RUBCNL: variants seen among roughly 807,000 people sequenced by gnomAD.
RUBCNL encodes the protein rubicon like autophagy enhancer.
Under a neutral mutation model 69.5 loss-of-function variants are expected in RUBCNL, and 62 were observed. The observed-to-expected ratio is 0.89, with a 90% CI of 0.73 to 1.10. RUBCNL has a LOEUF of 1.10. Among genes scored for constraint, RUBCNL ranks in the 50% least tolerant of loss-of-function variants. The probability of loss-of-function intolerance (pLI) is 0.00; values close to 1 mark genes in which losing one functional copy is unlikely to be tolerated. For missense variants in RUBCNL, 768 were observed against 798.1 expected, an observed-to-expected ratio of 0.96 and a Z score of 0.45; for synonymous variants, 291 against 303.6, an observed-to-expected ratio of 0.96 and a Z score of 0.43.
Position 46,380,153 on chromosome 13 carries a change from C to T in RUBCNL, c.-238-2148G>A, listed in dbSNP as rs868550515. Among the ~76,000 whole-genome samples, 3 of 152,230 alleles carry T rather than the reference C, an allele frequency of 2.0e-5. No homozygotes were observed. In the South Asian group the frequency reaches 6.2e-4, roughly 32 times the overall value. ...ACCATTAATTTTGAAGGTTTGCTGT[C>T]AGAAGAACACAACAGAAGGACAGAA... On this transcript the variant is annotated intron_variant, in intron 1 of 14. Transcript: ENST00000429979.
At position 46,359,498 on chromosome 13, in the gene RUBCNL, T is replaced by A; in HGVS notation, c.1253A>T (p.His418Leu). The A allele has an allele frequency of 6.2e-7, 1 of 1,603,264 alleles. No homozygotes were observed. The highest frequency in any genetic ancestry group is 8.5e-7 in the Non-Finnish European group (1 of 1,174,748). The change falls in exon 9 of 15, where the codon CAT becomes CTT. Residue 418 changes from histidine (H) to leucine (L), a missense_variant. By Grantham distance (99) the His-to-Leu change is moderately conservative. Coordinates refer to ENST00000429979, the MANE Select transcript of RUBCNL (RefSeq NM_025113.5). ...PPRFQIIFNIHPPLKRDLVVA... is the reference protein window; with the variant it reads ...PPRFQIIFNILPPLKRDLVVA... ...AGCCCATACTTACTTGAGTGGTGGA[T>A]GAATATTAAATATGATTTGAAATCT...
In RUBCNL at chr13:46,368,721, G is replaced by A; in HGVS notation, c.618+12C>T. The A allele has an allele frequency of 6.2e-7, 1 of 1,602,980 alleles. No homozygotes were observed. Among genetic ancestry groups the A allele is most frequent in the Non-Finnish European group, 8.5e-7 (1 of 1,172,262 alleles). On this transcript the variant is annotated intron_variant, in intron 4 of 14. Transcript: ENST00000429979. ...AGACTCTATGGTTAAAAAGAAAGAAGATAGCATTCACCTTTTCTACATCAA... is the reference window on the plus strand; with the variant it reads ...AGACTCTATGGTTAAAAAGAAAGAAAATAGCATTCACCTTTTCTACATCAA...
At chr13:46,352,592 G>T (rs1594140051) in intron 10 of RUBCNL, among the ~76,000 whole-genome samples, 1 of 151,962 alleles carries the variant, frequency 6.6e-6, no homozygotes, top group East Asian at 2.0e-4. Context: ...ATCACCTGAG[G>T]TTGGGAATTT....
intron 10 of RUBCNL, among the ~76,000 whole-genome samples, chr13:46,352,053 C>T (rs2048381371): frequency 6.6e-6 from 1 of 152,134 alleles, no homozygotes; most frequent in South Asian, 2.1e-4. Context: ...GTCTCAAACT[C>T]CTGACCTCAA....
chr13:46,365,059 T>C (rs1370347148), intron 5 of RUBCNL, among the ~76,000 whole-genome samples: 1 of 151,898 alleles, frequency 6.6e-6, no homozygotes, highest in East Asian at 1.9e-4. Flanking sequence ...TCCCAGCAAT[T>C]TGGGAGGCCG....
chr13:46,388,296 AGGGAG>A (rs2049294016), upstream of RUBCNL, among the ~76,000 whole-genome samples: 1 of 123,150 alleles, frequency 8.1e-6, no homozygotes, highest in Non-Finnish European at 1.7e-5. Context: ...CAAGGGAGGG[AGGGAG>A]GGAAGAAGGA....
chr13:46,345,848 G>A (rs777012451), intron 12 of RUBCNL, among the ~76,000 whole-genome samples: 1 of 152,186 alleles, frequency 6.6e-6, no homozygotes, highest in Non-Finnish European at 1.5e-5. Context: ...GCAGAGACCT[G>A]TATCTCTTAC....
intron 1 of RUBCNL, among the ~76,000 whole-genome samples, chr13:46,382,040 A>G (rs543913887): frequency 6.6e-6 from 1 of 152,292 alleles, no homozygotes; most frequent in East Asian, 1.9e-4. Flanking sequence ...GCCTCAAGCA[A>G]TCCTCCCAGT....
rs1328136930 is a variant in RUBCNL at position 46,341,711 on chromosome 13, A to G, written c.*1674T>C. 6.6e-6 allele frequency among the ~76,000 whole-genome samples: 1 copy of G among 152,246 alleles called. No homozygotes were observed. The highest frequency in any genetic ancestry group is 2.4e-5 in the African/African-American group (1 of 41,468). On this transcript the variant is annotated 3_prime_UTR_variant, in exon 15 of 15. Transcript: ENST00000429979. ...GCCCAATGCCACTTCTGCAAGTTGG[A>G]GCAACACTTACCAGTTAAGGTTGTT...
At chr13:46,368,447 A>T (rs969461355) in intron 4 of RUBCNL, 198 bp from the exon 5 acceptor site, 7 of 985,194 alleles carry the variant, frequency 7.1e-6, no homozygotes, top group Non-Finnish European at 8.4e-6. Flanking sequence ...GGCTTACTAT[A>T]ATCAACGGAC....
At chr13:46,363,723 GCC>G (rs2138762768) in intron 5 of RUBCNL, among the ~76,000 whole-genome samples, 1 of 151,698 alleles carries the variant, frequency 6.6e-6, no homozygotes, top group South Asian at 2.1e-4. Context: ...CAGTGTGGTG[GCC>G]CGGCCAGCAC....
In RUBCNL at chr13:46,336,262, T is replaced by C. The variant is rs1173444935; in HGVS notation, c.*7123A>G. Among the ~76,000 whole-genome samples, 1 of 152,172 alleles carries C rather than the reference T, an allele frequency of 6.6e-6. No homozygotes were observed. The highest frequency in any genetic ancestry group is 2.4e-5 in the African/African-American group (1 of 41,428). On this transcript the variant is annotated 3_prime_UTR_variant, in exon 15 of 15. Coordinates refer to ENST00000429979, the MANE Select transcript of RUBCNL (RefSeq NM_025113.5). ...TGGGTACCAGGCAGCACCTCCATCATCAGACTCTACGAAGATGGAGTTTCA... is the reference window on the plus strand; with the variant it reads ...TGGGTACCAGGCAGCACCTCCATCACCAGACTCTACGAAGATGGAGTTTCA...
chr13:46,377,935 A>G lies in RUBCNL; in HGVS notation c.-168T>C. 6.2e-7 allele frequency: 1 copy of G among 1,610,192 alleles called. No homozygotes were observed. The highest frequency in any genetic ancestry group is 8.5e-7 in the Non-Finnish European group (1 of 1,178,646). On this transcript the variant is annotated 5_prime_UTR_variant, in exon 2 of 15. Coordinates refer to ENST00000429979, the MANE Select transcript of RUBCNL (RefSeq NM_025113.5). Reference sequence around the variant, plus strand: ...AGAGGCAGATTGACACAGAGGAGAAAGTAATGATTGGAAACCATCAAAGTC... The same window carrying G: ...AGAGGCAGATTGACACAGAGGAGAAGGTAATGATTGGAAACCATCAAAGTC...
rs1437432018 is a variant in RUBCNL, at chr13:46,339,378, C to T, written c.*4007G>A. ...ACGCTTCTAAAAATGACACACTTCA[C>T]CCTCCTTTGGCGATGAGTTCAGGAA... On this transcript the variant is annotated 3_prime_UTR_variant, in exon 15 of 15. Coordinates refer to ENST00000429979, the MANE Select transcript of RUBCNL (RefSeq NM_025113.5). 2.6e-5 allele frequency among the ~76,000 whole-genome samples: 4 copies of T among 152,320 alleles called. No homozygotes were observed. The East Asian group carries it at 7.7e-4, about 29-fold the overall frequency.
chr13:46,374,967 C>G (rs755583654), intron 2 of RUBCNL, among the ~76,000 whole-genome samples: 130 of 152,194 alleles, frequency 8.5e-4, no homozygotes, highest in Non-Finnish European at 1.3e-3. Flanking sequence ...TCTTTCCTAA[C>G]CACCTTTCTG....
At chr13:46,354,157 T>C (rs995418675) in intron 10 of RUBCNL, among the ~76,000 whole-genome samples, 1 of 152,114 alleles carries the variant, frequency 6.6e-6, no homozygotes, top group Non-Finnish European at 1.5e-5. Flanking sequence ...ACTGAACTAG[T>C]AAAGGGTAAA....
At chr13:46,356,305 C>T in intron 10 of RUBCNL, 127 bp downstream of exon 10, 18 of 892,340 alleles carry the variant, frequency 2.0e-5, no homozygotes, top group Non-Finnish European at 2.9e-5. Flanking sequence ...AGGAGGGCAA[C>T]TTCTCTGAAG....
chr13:46,344,231 A>AT (rs1459215843), intron 14 of RUBCNL, among the ~76,000 whole-genome samples: 1 of 152,206 alleles, frequency 6.6e-6, no homozygotes, highest in Non-Finnish European at 1.5e-5. Context: ...GGCAGAGTTC[A>AT]TTACCAGGAT....
Position 46,359,511 on chromosome 13 carries a change from T to C in RUBCNL, c.1240A>G (p.Ile414Val), listed in dbSNP as rs202195085. The C allele has an allele frequency of 6.2e-6, 10 of 1,601,014 alleles. No individual in the cohort carries two copies. Among genetic ancestry groups the C allele is most frequent in the East Asian group, 2.2e-5 (1 of 44,612 alleles). ...TTGAGTGGTGGATGAATATTAAATA[T>C]GATTTGAAATCTAGGAGGAGCCCAG... ...EDWAPPRFQIIFNIHPPLKRD... is the reference protein window; with the variant it reads ...EDWAPPRFQIVFNIHPPLKRD... The change falls in exon 9 of 15, where the codon ATA becomes GTA. Residue 414 changes from isoleucine to valine, a missense_variant. Ile to Val is a conservative substitution (Grantham distance 29, BLOSUM62 3). Coordinates refer to ENST00000429979, the MANE Select transcript of RUBCNL (RefSeq NM_025113.5).
Sources: gnomAD v4.1 joint callset for allele counts (sites outside exome capture counted in the v4.1 genomes callset) on GRCh38, gnomAD v4.1.1 for gene constraint, MANE v1.5 for transcripts, NCBI Gene and HGNC (gene_info 2026-07-23, HGNC 2026-07-21) for gene names.